SUCLG2: variants seen among roughly 807,000 people sequenced by gnomAD.
SUCLG2 encodes the protein succinate--CoA ligase [GDP-forming] subunit beta, mitochondrial.
In SUCLG2, 42 loss-of-function variants were observed where a neutral mutation model predicts 47.9. The observed-to-expected ratio is 0.88, with a 90% CI of 0.69 to 1.14. The LOEUF is 1.14. Ranked by LOEUF, SUCLG2 falls within the 50% of genes most tolerant of loss-of-function variation. SUCLG2 has a pLI of 0.00. For missense variants in SUCLG2, 571 were observed against 525.9 expected (o/e 1.09, Z -0.84); for synonymous variants, 195 against 197.3 (o/e 0.99, Z 0.10).
intron 9 of SUCLG2, among the ~76,000 whole-genome samples, chr3:67,406,018 A>G (rs1702797933): frequency 6.6e-6 from 1 of 152,156 alleles, no homozygotes. Context: ...AAGCCCTACA[A>G]TGAGTGATGG....
chr3:67,431,921 AAAT>A (rs1399581444), intron 9 of SUCLG2, among the ~76,000 whole-genome samples: 1 of 152,196 alleles, frequency 6.6e-6, no homozygotes, highest in Non-Finnish European at 1.5e-5. Context: ...AAATACAAAC[AAAT>A]AATAATTACT....
intron 6 of SUCLG2, among the ~76,000 whole-genome samples, chr3:67,510,024 C>A (rs1011028899): frequency 5.9e-5 from 9 of 152,212 alleles, no homozygotes; most frequent in African/African-American, 2.2e-4. Flanking sequence ...GGCAGCACCT[C>A]CTCCTCTGGC....
chr3:67,584,602 T>A (rs1707963494), intron 2 of SUCLG2, among the ~76,000 whole-genome samples: 1 of 152,210 alleles, frequency 6.6e-6, no homozygotes, highest in Non-Finnish European at 1.5e-5. Context: ...AGTATTCCAT[T>A]GTGTGGTGTA....
At chr3:67,550,723 G>A (rs146074261) in intron 2 of SUCLG2, among the ~76,000 whole-genome samples, 209 of 152,314 alleles carry the variant, frequency 1.4e-3, no homozygotes, top group African/African-American at 4.5e-3. Context: ...ATAATTAGGT[G>A]CAGTGGATAA....
chr3:67,509,291 T>A (rs1202937885), intron 6 of SUCLG2, among the ~76,000 whole-genome samples: 1 of 152,248 alleles, frequency 6.6e-6, no homozygotes, highest in African/African-American at 2.4e-5. Context: ...GACTAGGTTT[T>A]CCTTATTGTG....
intron 2 of SUCLG2, among the ~76,000 whole-genome samples, chr3:67,578,651 T>C (rs534390588): frequency 4.4e-4 from 67 of 152,238 alleles, no homozygotes; most frequent in African/African-American, 1.6e-3. Context: ...AGCTTGGTTA[T>C]GGGAGATGGG....
intron 2 of SUCLG2, among the ~76,000 whole-genome samples, chr3:67,594,576 G>T (rs373801170): frequency 6.6e-6 from 1 of 152,074 alleles, no homozygotes; most frequent in African/African-American, 2.4e-5. Context: ...GTGTATTTCT[G>T]TCACAGTATT....
intron 1 of SUCLG2, among the ~76,000 whole-genome samples, chr3:67,631,255 AG>A (rs1700920333): frequency 6.6e-6 from 1 of 152,202 alleles, no homozygotes; most frequent in Non-Finnish European, 1.5e-5. Context: ...CCTAGACCAC[AG>A]GAAAAGATGA....
intron 9 of SUCLG2, among the ~76,000 whole-genome samples, chr3:67,475,988 C>CCTCTCTCTCTCTCT (rs113119377): frequency 0.012 from 1,755 of 146,082 alleles, 14 homozygotes; most frequent in Non-Finnish European, 0.017. Flanking sequence ...TTTCCTTCTC[C>CCTCTCTCTCTCTCT]CTCTCTCTCT....
At chr3:67,586,948 CTCA>C (rs1437071263) in intron 2 of SUCLG2, among the ~76,000 whole-genome samples, 2 of 152,134 alleles carry the variant, frequency 1.3e-5, no homozygotes, top group Non-Finnish European at 2.9e-5. Flanking sequence ...CCTGCTCCTC[CTCA>C]TCATCATCAT....
At chr3:67,598,854 G>A (rs1708352841) in intron 2 of SUCLG2, among the ~76,000 whole-genome samples, 1 of 152,124 alleles carries the variant, frequency 6.6e-6, no homozygotes, top group African/African-American at 2.4e-5. Flanking sequence ...TGAGGAAATG[G>A]AGCCTTCGAG....
chr3:67,651,261 C>T (rs932179684), intron 1 of SUCLG2, among the ~76,000 whole-genome samples: 6 of 152,206 alleles, frequency 3.9e-5, no homozygotes, highest in African/African-American at 1.2e-4. Flanking sequence ...ACCTCCTTAG[C>T]AGACCCTGCA....
intron 7 of SUCLG2, among the ~76,000 whole-genome samples, chr3:67,502,953 A>C (rs529116002): frequency 3.7e-4 from 56 of 152,316 alleles, no homozygotes; most frequent in African/African-American, 1.3e-3. Context: ...CCTGTGCATA[A>C]GGCCAAGGCT....
intron 1 of SUCLG2, among the ~76,000 whole-genome samples, chr3:67,645,226 A>C (rs527825642): frequency 2.0e-4 from 30 of 152,276 alleles, no homozygotes; most frequent in Non-Finnish European, 4.0e-4. Flanking sequence ...ATTTTATACA[A>C]AATATAGTCA....
intron 9 of SUCLG2, among the ~76,000 whole-genome samples, chr3:67,466,610 A>T (rs1704478768): frequency 6.6e-6 from 1 of 152,210 alleles, no homozygotes; most frequent in Non-Finnish European, 1.5e-5. Context: ...TGCTATCAAG[A>T]TGGCATCCGG....
chr3:67,579,402 GAGACTAACACAGTAATCAT>G (rs1477018992), intron 2 of SUCLG2, among the ~76,000 whole-genome samples: 1 of 152,194 alleles, frequency 6.6e-6, no homozygotes, highest in Admixed American at 6.5e-5. Flanking sequence ...GAAGTTGGAT[GAGACTAACACAGTAATCAT>G]AGGCTAACAC....
intron 10 of SUCLG2, among the ~76,000 whole-genome samples, chr3:67,366,577 C>G (rs1575651140): frequency 6.6e-6 from 1 of 152,248 alleles, no homozygotes; most frequent in Non-Finnish European, 1.5e-5. Context: ...ATTTTCCAAG[C>G]TCTATTTTAA....
intron 8 of SUCLG2, among the ~76,000 whole-genome samples, chr3:67,496,295 A>G (rs1386298254): frequency 1.3e-5 from 2 of 152,210 alleles, no homozygotes; most frequent in Admixed American, 6.5e-5. Context: ...TAAGAGAATC[A>G]GGAGGCAGAG....
intron 1 of SUCLG2, among the ~76,000 whole-genome samples, chr3:67,636,483 G>C (rs944271782): frequency 6.6e-6 from 1 of 151,818 alleles, no homozygotes. Context: ...CTCCCGAGTA[G>C]CTGGGACTAC....
Sources: gnomAD v4.1 joint callset for allele counts (sites outside exome capture counted in the v4.1 genomes callset) on GRCh38, gnomAD v4.1.1 for gene constraint, MANE v1.5 for transcripts, NCBI Gene and HGNC (gene_info 2026-07-23, HGNC 2026-07-21) for gene names.